The following LSM3 variants were observed in gnomAD, a reference collection of about 807,000 sequenced individuals.
LSM3 encodes LSM3 homolog, U6 small nuclear RNA and mRNA degradation associated.
Under a neutral mutation model 15.4 loss-of-function variants are expected in LSM3, and 14 were observed. The observed-to-expected ratio is 0.91, with a 90% confidence interval of 0.60 to 1.42. The LOEUF is 1.42. Among genes scored for constraint, LSM3 ranks in the 40% most tolerant of loss-of-function variants. LSM3 has a pLI of 0.00. For missense variants in LSM3, 88 were observed against 127.9 expected, an observed-to-expected ratio of 0.69 and a Z score of 1.50; for synonymous variants, 46 against 45.1, an observed-to-expected ratio of 1.02 and a Z score of -0.08.
At chr3:14,183,826 T>A in intron 2 of LSM3, 111 bp from the exon 3 acceptor site, 1 of 663,954 alleles carries the variant, frequency 1.5e-6, no homozygotes, top group African/African-American at 1.8e-5. Context: ...AAGTTTGTGA[T>A]GTAAGTATCA....
Position 14,181,664 on chromosome 3 carries a change from A to G in LSM3, c.126A>G (p.Arg42=). The change falls in exon 2 of 4, where the codon AGA becomes AGG. Residue 42 remains arginine (R), a synonymous_variant. Transcript: ENST00000306024. ...GAAATGACCGAGAGCTTCGAGGCAG[A>G]TTACATGTAAGTAAATTTATCAAGT... ...KMRNDRELRG[R]LHAYDQHLNM... is the part of the protein sequence containing the mutation. The G allele has an allele frequency of 2.5e-6, 4 of 1,608,380 alleles. No individual in the cohort carries two copies. The highest frequency in any genetic ancestry group is 2.6e-6 in the Non-Finnish European group (3 of 1,174,748).
intron 3 of LSM3, among the ~76,000 whole-genome samples, chr3:14,186,244 A>G (rs904353413): frequency 4.6e-5 from 7 of 152,378 alleles, no homozygotes; most frequent in South Asian, 2.1e-4. Flanking sequence ...CTGCCAGGGC[A>G]TAGTGGTTAA....
At chr3:14,197,146 G>A (rs1247393073) in intron 3 of LSM3, among the ~76,000 whole-genome samples, 2 of 152,146 alleles carry the variant, frequency 1.3e-5, no homozygotes, top group Non-Finnish European at 2.9e-5. Context: ...CTGTAACTTG[G>A]GGTCTAAAAG....
chr3:14,185,552 G>A (rs72624480), intron 3 of LSM3, among the ~76,000 whole-genome samples: 6,876 of 152,214 alleles, frequency 0.045, 353 homozygotes, highest in East Asian at 0.21. Context: ...AATCTATCAT[G>A]AGTTGTTGTT....
chr3:14,191,096 CATATGTTG>C (rs1191212364), intron 3 of LSM3, among the ~76,000 whole-genome samples: 4 of 152,000 alleles, frequency 2.6e-5, no homozygotes, highest in Admixed American at 6.6e-5. Flanking sequence ...CATTGATTTG[CATATGTTG>C]AACCAGCCTT....
chr3:14,189,992 A>G (rs1344854145), intron 3 of LSM3, among the ~76,000 whole-genome samples: 1 of 152,110 alleles, frequency 6.6e-6, no homozygotes, highest in African/African-American at 2.4e-5. Flanking sequence ...TAAGGAAGGG[A>G]TCCAGTTTCA....
chr3:14,191,088 T>C (rs1697134893), intron 3 of LSM3, among the ~76,000 whole-genome samples: 1 of 152,200 alleles, frequency 6.6e-6, no homozygotes, highest in Non-Finnish European at 1.5e-5. Context: ...ATGGGTTACA[T>C]TGATTTGCAT....
At chr3:14,196,446 C>T (rs1250027612) in intron 3 of LSM3, among the ~76,000 whole-genome samples, 1 of 152,182 alleles carries the variant, frequency 6.6e-6, no homozygotes, top group African/African-American at 2.4e-5. Context: ...GTACAGAAAC[C>T]TATCCCCAAA....
At chr3:14,194,802 T>A (rs890397129) in intron 3 of LSM3, among the ~76,000 whole-genome samples, 24 of 102,836 alleles carry the variant, frequency 2.3e-4, no homozygotes, top group South Asian at 6.7e-4. Context: ...TTTTTTTTTT[T>A]AAACCTAGAG....
intron 1 of LSM3, among the ~76,000 whole-genome samples, chr3:14,180,141 A>C (rs1370294385): frequency 6.6e-6 from 1 of 152,086 alleles, no homozygotes; most frequent in Non-Finnish European, 1.5e-5. Context: ...GCTCTCCTTG[A>C]ATAATCTTTC....
intron 3 of LSM3, among the ~76,000 whole-genome samples, chr3:14,186,380 A>G (rs904616039): frequency 2.0e-5 from 3 of 152,206 alleles, no homozygotes; most frequent in Non-Finnish European, 2.9e-5. Context: ...AAATGGGAGT[A>G]ATGATAGGAC....
At chr3:14,181,822 G>A (rs1415946063) in intron 2 of LSM3, 152 bp downstream of exon 2, 1 of 549,330 alleles carries the variant, frequency 1.8e-6, no homozygotes, top group Non-Finnish European at 3.3e-6. Flanking sequence ...AAAGCGGCAT[G>A]TATTCACATT....
rs1045998090 is a variant in LSM3, at chr3:14,200,391, G to A, written c.*2275G>A. The A allele has an allele frequency of 6.6e-6, 1 of 152,204 alleles. No individual in the cohort carries two copies. The highest frequency in any genetic ancestry group is 2.4e-5 in the African/African-American group (1 of 41,408). 9.4% of individuals were successfully genotyped at this position (152,204 alleles called of 1,614,324 possible). A position where few individuals can be genotyped will look rare whatever the true frequency, so the allele number is the denominator to read the frequency against. ...CTGAGGTTTCCTCTGCAGTGGTGCT[G>A]TCCACTGAGGGGTTATGGTGTGAGG... On this transcript the variant is annotated 3_prime_UTR_variant, in exon 4 of 4. Transcript: ENST00000306024.
intron 1 of LSM3, among the ~76,000 whole-genome samples, chr3:14,180,647 A>G (rs918976901): frequency 6.6e-6 from 1 of 151,854 alleles, no homozygotes; most frequent in Admixed American, 6.6e-5. Flanking sequence ...TTTTAAATGC[A>G]TTAACTAGTT....
rs191530198 is a variant in LSM3 at position 14,192,218 on chromosome 3, G to A, written c.229-5818G>A. Among the ~76,000 whole-genome samples the A allele has an allele frequency of 5.7e-3, 862 of 152,314 alleles. 7 individuals carry two copies. The highest frequency in any genetic ancestry group is 0.02 in the African/African-American group (826 of 41,568). ...ACTTCCAATTATGTGGTCAATTTTA[G>A]AATAAGTGTGATGTGGTGCTGAGAA... On this transcript the variant is annotated intron_variant, in intron 3 of 3. Coordinates refer to ENST00000306024, the MANE Select transcript of LSM3 (RefSeq NM_014463.3).
intron 1 of LSM3, among the ~76,000 whole-genome samples, chr3:14,180,350 G>A (rs1004850960): frequency 6.6e-6 from 1 of 151,294 alleles, no homozygotes; most frequent in African/African-American, 2.4e-5. Flanking sequence ...GTGCAGTGGC[G>A]TGATCTCAGC....
intron 3 of LSM3, among the ~76,000 whole-genome samples, chr3:14,188,219 G>T (rs1574988953): frequency 6.6e-6 from 1 of 151,910 alleles, no homozygotes; most frequent in Non-Finnish European, 1.5e-5. Context: ...TTAAGGAACT[G>T]CACATTTAAT....
At chr3:14,190,132 C>A (rs955547619) in intron 3 of LSM3, among the ~76,000 whole-genome samples, 1 of 152,086 alleles carries the variant, frequency 6.6e-6, no homozygotes, top group Non-Finnish European at 1.5e-5. Flanking sequence ...ATTTCTGAGG[C>A]CTCCATTTTG....
At chr3:14,197,588 T>G (rs1295467021) in intron 3 of LSM3, among the ~76,000 whole-genome samples, 1 of 152,216 alleles carries the variant, frequency 6.6e-6, no homozygotes, top group African/African-American at 2.4e-5. Flanking sequence ...TTCTTCCAGG[T>G]GGCAAGTCAA....
Sources: allele counts gnomAD v4.1 joint callset (sites outside exome capture counted in the v4.1 genomes callset), GRCh38; gene constraint gnomAD v4.1.1; transcripts MANE v1.5; gene names NCBI Gene and HGNC (gene_info 2026-07-23, HGNC 2026-07-21).